Variants in LMX1A observed in about 807,000 individuals in gnomAD.
LMX1A encodes the protein LIM homeobox transcription factor 1 alpha, also known as LIM homeobox transcription factor 1-alpha.
A neutral mutation model predicts 49.1 loss-of-function variants in LMX1A; 15 were observed. The observed-to-expected ratio is 0.31, with a 90% CI of 0.20 to 0.47. The LOEUF (loss-of-function observed/expected upper bound fraction) is 0.47, where lower values mean the gene tolerates loss of function less well. Ranked by LOEUF, LMX1A falls within the 20% of genes least tolerant of loss-of-function variation. The pLI is 1.00. For missense variants in LMX1A, 372 were observed against 475.8 expected, an observed-to-expected ratio of 0.78 and a Z score of 2.03; for synonymous variants, 167 against 185.7, an observed-to-expected ratio of 0.90 and a Z score of 0.82.
chr1:165,349,873 A>T (rs1362167914), intron 3 of LMX1A, among the ~76,000 whole-genome samples: 4 of 152,240 alleles, frequency 2.6e-5, no homozygotes, highest in Non-Finnish European at 5.9e-5. Flanking sequence ...TTCAAATGCA[A>T]AACTGCCCAA....
intron 3 of LMX1A, among the ~76,000 whole-genome samples, chr1:165,272,378 GA>G: frequency 6.6e-6 from 1 of 152,200 alleles, no homozygotes. Context: ...ACTGGTGGCT[GA>G]AGCATCAACC....
At chr1:165,304,643 C>T (rs1654872412) in intron 3 of LMX1A, among the ~76,000 whole-genome samples, 1 of 147,824 alleles carries the variant, frequency 6.8e-6, no homozygotes, top group Non-Finnish European at 1.5e-5. Context: ...TCAAGCTTTT[C>T]AAAGATCCCT....
chr1:165,283,462 G>A (rs1016639099), intron 3 of LMX1A, among the ~76,000 whole-genome samples: 8 of 152,230 alleles, frequency 5.3e-5, no homozygotes, highest in African/African-American at 1.9e-4. Flanking sequence ...GTCCTGCCTG[G>A]AACCTCCTCC....
At chr1:165,253,176 A>C (rs1426475987) in intron 3 of LMX1A, among the ~76,000 whole-genome samples, 1 of 152,238 alleles carries the variant, frequency 6.6e-6, no homozygotes. Flanking sequence ...AGTGGGAGAG[A>C]GTAAACAAAC....
At chr1:165,255,593 G>A (rs1168663873) in intron 3 of LMX1A, among the ~76,000 whole-genome samples, 2 of 152,168 alleles carry the variant, frequency 1.3e-5, no homozygotes, top group African/African-American at 4.8e-5. Context: ...GACCTATAAG[G>A]TGTAGTGCAA....
At chr1:165,280,624 A>G (rs1431640800) in intron 3 of LMX1A, among the ~76,000 whole-genome samples, 1 of 152,240 alleles carries the variant, frequency 6.6e-6, no homozygotes, top group Non-Finnish European at 1.5e-5. Context: ...TAGTGCTATT[A>G]GTATTCATGC....
intron 4 of LMX1A, among the ~76,000 whole-genome samples, chr1:165,235,845 C>CAT (rs1461768478): frequency 6.6e-6 from 1 of 152,214 alleles, no homozygotes; most frequent in Non-Finnish European, 1.5e-5. Flanking sequence ...TTATGGGGAA[C>CAT]ATATGGCCCT....
chr1:165,221,747 C>G (rs1428691522), intron 4 of LMX1A, among the ~76,000 whole-genome samples: 1 of 152,186 alleles, frequency 6.6e-6, no homozygotes, highest in African/African-American at 2.4e-5. Flanking sequence ...CCTCAGCTGG[C>G]TGGTGCTCAT....
chr1:165,328,122 T>C (rs576030972), intron 3 of LMX1A, among the ~76,000 whole-genome samples: 2 of 152,198 alleles, frequency 1.3e-5, no homozygotes, highest in Non-Finnish European at 2.9e-5. Context: ...GAAAATTGCA[T>C]TAACAAAAAC....
At chr1:165,226,905 C>T (rs1652056672) in intron 4 of LMX1A, among the ~76,000 whole-genome samples, 1 of 152,170 alleles carries the variant, frequency 6.6e-6, no homozygotes, top group Non-Finnish European at 1.5e-5. Flanking sequence ...GTGCAAAGTG[C>T]CTAATATACA....
At chr1:165,295,619 A>G (rs6662349) in intron 3 of LMX1A, among the ~76,000 whole-genome samples, 64,785 of 151,766 alleles carry the variant, frequency 0.43, 14,384 homozygotes, top group South Asian at 0.58. Flanking sequence ...AAAGTACATG[A>G]TCAGTGGATG....
At chr1:165,242,627 A>C (rs1453725264) in intron 4 of LMX1A, among the ~76,000 whole-genome samples, 2 of 152,012 alleles carry the variant, frequency 1.3e-5, no homozygotes, top group Non-Finnish European at 2.9e-5. Context: ...ATTGCATCCC[A>C]GCACTTTGGG....
At chr1:165,250,667 G>A (rs1571178553) in intron 3 of LMX1A, among the ~76,000 whole-genome samples, 1 of 152,196 alleles carries the variant, frequency 6.6e-6, no homozygotes, top group South Asian at 2.1e-4. Context: ...GTGATATGAA[G>A]ATGAATAAAG....
At chr1:165,351,885 T>A (rs554354787) in intron 3 of LMX1A, among the ~76,000 whole-genome samples, 1 of 152,370 alleles carries the variant, frequency 6.6e-6, no homozygotes, top group African/African-American at 2.4e-5. Flanking sequence ...TTATATAACA[T>A]GATAGAACTG....
intron 3 of LMX1A, among the ~76,000 whole-genome samples, chr1:165,342,500 G>A (rs1214386579): frequency 6.6e-6 from 1 of 152,042 alleles, no homozygotes; most frequent in African/African-American, 2.4e-5. Flanking sequence ...CCTTCTTCTG[G>A]GGGCTGGGGG....
intron 3 of LMX1A, among the ~76,000 whole-genome samples, chr1:165,336,340 G>A (rs967788453): frequency 1.3e-5 from 2 of 151,790 alleles, no homozygotes; most frequent in African/African-American, 4.8e-5. Flanking sequence ...TAATCATTTC[G>A]GGATCACAGG....
At chr1:165,247,627 C>G (rs1652907389) in intron 4 of LMX1A, among the ~76,000 whole-genome samples, 1 of 152,200 alleles carries the variant, frequency 6.6e-6, no homozygotes, top group South Asian at 2.1e-4. Context: ...CAGGCAAGAA[C>G]TAACCTGGAG....
intron 4 of LMX1A, among the ~76,000 whole-genome samples, chr1:165,219,673 A>G (rs1196031180): frequency 6.6e-6 from 1 of 152,232 alleles, no homozygotes; most frequent in Non-Finnish European, 1.5e-5. Flanking sequence ...AAACTGTCTG[A>G]CACATAGTTC....
At chr1:165,327,246 G>A (rs962432083) in intron 3 of LMX1A, among the ~76,000 whole-genome samples, 2 of 152,198 alleles carry the variant, frequency 1.3e-5, no homozygotes, top group African/African-American at 4.8e-5. Context: ...GGACCGAAAG[G>A]AGGAAGCAGC....
Sources: allele counts gnomAD v4.1 joint callset (sites outside exome capture counted in the v4.1 genomes callset), GRCh38; gene constraint gnomAD v4.1.1; transcripts MANE v1.5; gene names NCBI Gene and HGNC (gene_info 2026-07-23, HGNC 2026-07-21).